The following TET1 variants were observed in gnomAD, a reference collection of about 807,000 sequenced individuals.
The protein encoded by TET1 is tet methylcytosine dioxygenase 1.
In TET1, 13 loss-of-function variants were observed where a neutral mutation model predicts 148.7. That is an observed-to-expected ratio of 0.09 (90% CI 0.06 to 0.14). The LOEUF (loss-of-function observed/expected upper bound fraction) is 0.14, where lower values mean the gene tolerates loss of function less well. TET1 is among the 10% of genes least tolerant of loss of function. The pLI is 1.00. For missense variants in TET1, 2,182 were observed against 2,553.8 expected (o/e 0.85, Z 3.14); for synonymous variants, 907 against 937.2 (o/e 0.97, Z 0.59).
At chr10:68,654,157 AG>A (rs1232730517) in intron 6 of TET1, among the ~76,000 whole-genome samples, 2 of 140,052 alleles carry the variant, frequency 1.4e-5, no homozygotes, top group African/African-American at 5.2e-5. Context: ...CTTTCGGGGG[AG>A]GGAACATTTA....
intron 8 of TET1, chr10:68,674,955 G>A (rs2055329739): frequency 2.7e-6 from 1 of 372,146 alleles, no homozygotes; most frequent in Non-Finnish European, 5.0e-6. Context: ...TGTTAGATAA[G>A]TTAAAATGCT....
At chr10:68,623,901 G>A (rs917911164) in intron 3 of TET1, among the ~76,000 whole-genome samples, 1 of 152,138 alleles carries the variant, frequency 6.6e-6, no homozygotes, top group African/African-American at 2.4e-5. Flanking sequence ...GCTGTGTGAT[G>A]TGTTGTCTGC....
At chr10:68,687,201 C>G (rs1379327670) in intron 11 of TET1, among the ~76,000 whole-genome samples, 1 of 150,074 alleles carries the variant, frequency 6.7e-6, no homozygotes, top group Non-Finnish European at 1.5e-5. Context: ...CCGCGCCCGG[C>G]CTACTTATCC....
intron 2 of TET1, among the ~76,000 whole-genome samples, chr10:68,583,175 A>G (rs2053821704): frequency 6.6e-6 from 1 of 152,186 alleles, no homozygotes; most frequent in Non-Finnish European, 1.5e-5. Flanking sequence ...ATTTTGCTGC[A>G]GGGCTTAACT....
Position 68,691,133 on chromosome 10 carries a change from C to G in TET1, c.5730C>G (p.Leu1910=). Residue 1910 remains leucine (L), a synonymous_variant, in exon 12 of 12, where the codon CTC becomes CTG. Transcript: ENST00000373644. This position sits in a 1 kb window ranked among gnomAD's most constrained non-coding sequence, Gnocchi z 4.4. ...GISQLGEVAP[L]PTLSAPVMEP... is the part of the protein sequence containing the mutation. Reference sequence around the variant, plus strand: ...CACAGCTTGGCGAAGTGGCTCCTCTCCCCACCCTGTCTGCTCCTGTGATGG... The same window carrying G: ...CACAGCTTGGCGAAGTGGCTCCTCTGCCCACCCTGTCTGCTCCTGTGATGG... 6.2e-7 allele frequency: 1 copy of G among 1,614,188 alleles called. No homozygotes were observed. The highest frequency in any genetic ancestry group is 1.1e-5 in the South Asian group (1 of 91,080).
At chr10:68,662,991 T>A (rs2055144398) in intron 6 of TET1, among the ~76,000 whole-genome samples, 1 of 152,178 alleles carries the variant, frequency 6.6e-6, no homozygotes, top group Admixed American at 6.5e-5. Context: ...GAAGGGCAGT[T>A]CCCTTATTTG....
Position 68,681,439 on chromosome 10 carries a change from G to A in TET1, c.4865G>A (p.Arg1622Gln), listed in dbSNP as rs536711369. The change falls in exon 9 of 12, where the codon CGA (arginine) becomes CAA (glutamine). Residue 1622 changes from arginine (R) to glutamine (Q), a missense_variant. Physicochemically the swap from Arg to Gln is conservative, Grantham distance 43. Coordinates refer to ENST00000373644, the MANE Select transcript of TET1 (RefSeq NM_030625.3). ...GATAACTTACAGAGTTTGGCTACAC[G>A]ATTAGCTCCAATTTATAAGCAGTAT... ...LEDNLQSLAT[R>Q]LAPIYKQYAP... 3.7e-6 allele frequency: 6 copies of A among 1,613,888 alleles called. No homozygotes were observed. The highest frequency in any genetic ancestry group is 2.2e-5 in the South Asian group (2 of 91,048).
intron 3 of TET1, among the ~76,000 whole-genome samples, chr10:68,621,267 A>G (rs947468420): frequency 6.6e-6 from 1 of 151,938 alleles, no homozygotes; most frequent in Admixed American, 6.6e-5. Flanking sequence ...TTTGAGACGG[A>G]GTTTCACTCT....
At chr10:68,617,192 TTTTTTG>T (rs765079803) in intron 3 of TET1, among the ~76,000 whole-genome samples, 19 of 148,600 alleles carry the variant, frequency 1.3e-4, no homozygotes, top group Non-Finnish European at 2.1e-4. Flanking sequence ...TGGCTAATTT[TTTTTTG>T]TATTTTTAGT....
chr10:68,654,549 G>A (rs1481497418), intron 6 of TET1, among the ~76,000 whole-genome samples: 2 of 152,098 alleles, frequency 1.3e-5, no homozygotes, highest in Non-Finnish European at 2.9e-5. Context: ...CCCCCGAGGT[G>A]GAGGTTGCAG....
chr10:68,687,811 A>T (rs2055535533), intron 11 of TET1, among the ~76,000 whole-genome samples: 1 of 151,622 alleles, frequency 6.6e-6, no homozygotes, highest in Non-Finnish European at 1.5e-5. Context: ...CTGATCTGGA[A>T]CTCCTGGACT....
chr10:68,631,046 G>A (rs2054561750), intron 3 of TET1, among the ~76,000 whole-genome samples: 1 of 151,836 alleles, frequency 6.6e-6, no homozygotes, highest in Non-Finnish European at 1.5e-5. Flanking sequence ...GCATGATGGT[G>A]TGTGCCTGTA....
At chr10:68,580,006 G>A (rs1302776310) in intron 2 of TET1, among the ~76,000 whole-genome samples, 1 of 151,116 alleles carries the variant, frequency 6.6e-6, no homozygotes, top group Non-Finnish European at 1.5e-5. Flanking sequence ...TCAGCTCACT[G>A]GAACCTCTGC....
chr10:68,610,581 T>C (rs2054193602), intron 3 of TET1, among the ~76,000 whole-genome samples: 4 of 152,056 alleles, frequency 2.6e-5, no homozygotes, highest in Admixed American at 2.6e-4. Flanking sequence ...CAGAGGGAGA[T>C]TCCTTCTCAA....
chr10:68,611,011 T>C (rs1055794230), intron 3 of TET1, among the ~76,000 whole-genome samples: 4 of 152,084 alleles, frequency 2.6e-5, no homozygotes, highest in African/African-American at 9.7e-5. Context: ...TGAAGTGAAC[T>C]AGGCTGGGCG....
In TET1 at chr10:68,573,757, A is replaced by G. The variant is rs1210806011; in HGVS notation, c.1419A>G (p.Ser473=). The change falls in exon 2 of 12, where the codon TCA becomes TCG. Residue 473 remains serine, a synonymous_variant. Transcript: ENST00000373644. ...QGAIQILPLG[S]GHTPQSSSNS... The stretch of plus-strand genomic sequence containing the variant: ...CTATACAGATTTTGCCTTTGGGCTC[A>G]GGACACACTCCTCAATCATCATCAA... 6.2e-7 allele frequency: 1 copy of G among 1,613,988 alleles called. No homozygotes were observed. Among genetic ancestry groups the G allele is most frequent in the Admixed American group, 1.7e-5 (1 of 59,988 alleles).
chr10:68,572,702 G>T lies in TET1; in HGVS notation c.364G>T (p.Val122Leu). The part of the protein sequence containing the change: ...SRRLSQPPLV[V>L]AKSKKVPLSK... The stretch of plus-strand genomic sequence containing the variant: ...GCGACTCTCCCAACCCCCACTGGTC[G>T]TAGCCAAATCCAAAAAGGTTCCACT... Residue 122 changes from valine to leucine, a missense_variant, in exon 2 of 12, where the codon GTA (valine) becomes TTA (leucine). By Grantham distance (32) the Val-to-Leu change is conservative (BLOSUM62 1). This residue lies in a region of TET1 where 665 missense variants were observed against 672.4 expected (regional missense o/e 0.99). Transcript: ENST00000373644. The T allele has an allele frequency of 2.5e-6, 4 of 1,614,110 alleles. No individual in the cohort carries two copies. The highest frequency in any genetic ancestry group is 3.4e-6 in the Non-Finnish European group (4 of 1,180,026).
intron 2 of TET1, among the ~76,000 whole-genome samples, chr10:68,582,002 T>C (rs2053803830): frequency 6.6e-6 from 1 of 152,190 alleles, no homozygotes; most frequent in South Asian, 2.1e-4. Flanking sequence ...TGAAATAATC[T>C]CTCATATTTA....
intron 3 of TET1, among the ~76,000 whole-genome samples, chr10:68,606,281 C>T (rs535932548): frequency 2.6e-5 from 4 of 152,174 alleles, no homozygotes; most frequent in South Asian, 2.1e-4. Flanking sequence ...GCAGGAGAAT[C>T]GCTTGAACCT....
Sources: gnomAD v4.1 joint callset for allele counts (sites outside exome capture counted in the v4.1 genomes callset) on GRCh38, gnomAD v4.1.1 for gene constraint, gnomAD v4.1.1 regional missense constraint, Gnocchi (gnomAD v3.1) non-coding constraint, MANE v1.5 for transcripts, NCBI Gene and HGNC (gene_info 2026-07-23, HGNC 2026-07-21) for gene names.